The following SYNE2 variants were observed in gnomAD, a reference collection of about 807,000 sequenced individuals.
SYNE2 encodes the protein spectrin repeat containing nuclear envelope protein 2, also known as nesprin-2.
A neutral mutation model predicts 856.3 loss-of-function variants in SYNE2; 431 were observed. The observed-to-expected ratio is 0.50, with a 90% CI of 0.47 to 0.55. The LOEUF (loss-of-function observed/expected upper bound fraction) is 0.55. SYNE2 is among the 20% of genes least tolerant of loss of function. The pLI is 0.00. For synonymous variants in SYNE2, 2,923 were observed against 2,872.3 expected (o/e 1.02, Z -0.56); for missense variants, 8,129 against 8,023.2 (o/e 1.01, Z -0.50).
chr14:64,210,198 G>A (rs2098633028), intron 103 of SYNE2, 74 bp downstream of exon 103: 2 of 1,534,234 alleles, frequency 1.3e-6, no homozygotes, highest in Non-Finnish European at 1.8e-6. Flanking sequence ...TGGCAGGCTT[G>A]TGGCACAAAG....
At chr14:64,103,422 C>T (rs1465836509) in intron 64 of SYNE2, among the ~76,000 whole-genome samples, 28 of 151,196 alleles carry the variant, frequency 1.9e-4, no homozygotes, top group Non-Finnish European at 1.5e-5. Flanking sequence ...CTTTTTACTC[C>T]TTATGACATT....
intron 1 of SYNE2, among the ~76,000 whole-genome samples, chr14:63,846,880 A>G (rs1890242984): frequency 6.6e-6 from 1 of 152,024 alleles, no homozygotes; most frequent in Non-Finnish European, 1.5e-5. Flanking sequence ...TATAGGTGTG[A>G]ACCATGTACC....
intron 45 of SYNE2, among the ~76,000 whole-genome samples, chr14:64,035,617 A>G (rs567337298): frequency 1.3e-5 from 2 of 150,026 alleles, no homozygotes; most frequent in Non-Finnish European, 2.9e-5. Context: ...GAAATTGTCT[A>G]ACGTAACCCT....
chr14:64,055,636 G>A (rs2153580062), intron 48 of SYNE2, among the ~76,000 whole-genome samples: 1 of 151,958 alleles, frequency 6.6e-6, no homozygotes, highest in Non-Finnish European at 1.5e-5. Flanking sequence ...CAAAGTGCTG[G>A]GATTACAGTT....
chr14:64,025,197 G>A lies in SYNE2; in HGVS notation c.6028G>A (p.Glu2010Lys). 6.2e-7 allele frequency: 1 copy of A among 1,614,078 alleles called. No homozygotes were observed. ...LKEYGFTEEE[E>K]IIMEATCLMD... ...GGAATATGGGTTTACTGAAGAAGAAGAAATAATAATGGAAGCAACATGTTT... is the reference window on the plus strand; with the variant it reads ...GGAATATGGGTTTACTGAAGAAGAAAAAATAATAATGGAAGCAACATGTTT... Residue 2010 changes from glutamate (E) to lysine (K), a missense_variant, in exon 41 of 116, where the codon GAA (glutamate) becomes AAA (lysine). Physicochemically the swap from Glu to Lys is moderately conservative, Grantham distance 56 (BLOSUM62 1). Coordinates refer to ENST00000555002, the MANE Select transcript of SYNE2 (RefSeq NM_182914.3).
intron 1 of SYNE2, among the ~76,000 whole-genome samples, chr14:63,827,912 G>T (rs983931379): frequency 1.3e-5 from 2 of 151,774 alleles, no homozygotes; most frequent in Admixed American, 1.3e-4. Context: ...AATATTTGGG[G>T]CTGGGCACAG....
chr14:64,215,034 C>A (rs2098659414), intron 106 of SYNE2, among the ~76,000 whole-genome samples: 1 of 152,188 alleles, frequency 6.6e-6, no homozygotes, highest in Non-Finnish European at 1.5e-5. Context: ...GCCACTGTGC[C>A]TACCCTCCCT....
At chr14:63,779,951 G>A (rs964988364) in intron 1 of SYNE2, among the ~76,000 whole-genome samples, 1 of 152,082 alleles carries the variant, frequency 6.6e-6, no homozygotes, top group Non-Finnish European at 1.5e-5. Context: ...ATACAGATGG[G>A]AAATGAATAA....
chr14:63,941,727 C>G lies in SYNE2; in HGVS notation c.174C>G (p.Phe58Leu), dbSNP rs2095919304. 6.2e-7 allele frequency: 1 copy of G among 1,613,990 alleles called. No homozygotes were observed. Among genetic ancestry groups the G allele is most frequent in the African/African-American group, 1.3e-5 (1 of 74,932 alleles). The change falls in exon 4 of 116, where the codon TTC (phenylalanine) becomes TTG (leucine). Residue 58 changes from phenylalanine (F) to leucine (L), a missense_variant. By Grantham distance (22) the Phe-to-Leu change is conservative. Transcript: ENST00000555002. Reference sequence around the variant, plus strand: ...CTCCCTCAGTTATATCCGACCTATTCACAGACATTAAAAAGGGGCATGTCC... The same window carrying G: ...CTCCCTCAGTTATATCCGACCTATTGACAGACATTAAAAAGGGGCATGTCC... ...HTSPSVISDL[F>L]TDIKKGHVLL...
rs778811992 is a variant in SYNE2 at position 63,990,583 on chromosome 14, A to G, written c.2472+14A>G. The G allele has an allele frequency of 2.5e-6, 4 of 1,612,602 alleles. No homozygotes were observed. Among genetic ancestry groups the G allele is most frequent in the Non-Finnish European group, 3.4e-6 (4 of 1,178,738 alleles). On this transcript the variant is annotated intron_variant, in intron 20 of 115. Coordinates refer to ENST00000555002, the MANE Select transcript of SYNE2 (RefSeq NM_182914.3). ...GAGAAAGTCCAGGTCTCTCTTTAAT[A>G]TTCCCTATTTAGTAATTCTGTTCTC...
At chr14:63,940,821 C>G (rs1273813558) in intron 3 of SYNE2, 146 bp downstream of exon 3, 1 of 728,940 alleles carries the variant, frequency 1.4e-6, no homozygotes, top group African/African-American at 1.8e-5. Context: ...AAAGAATGTG[C>G]TAAAAGTTGT....
Position 64,053,355 on chromosome 14 carries a change from G to T in SYNE2, c.9442G>T (p.Glu3148Ter). 6.2e-7 allele frequency: 1 copy of T among 1,613,448 alleles called. No individual in the cohort carries two copies. Among genetic ancestry groups the T allele is most frequent in the Non-Finnish European group, 8.5e-7 (1 of 1,179,894 alleles). The part of the protein sequence containing the change: ...QNMVLELSPK[E>*]LDEKNCQDKL... ...CATGGTATTAGAACTCTCACCAAAA[G>T]AATTGGATGAAAAGAATTGTCAGGA... Residue 3148 changes from glutamate (E) to a stop codon, truncating the protein, a stop_gained, in exon 48 of 116, where the codon GAA becomes TAA. Coordinates refer to ENST00000555002, the MANE Select transcript of SYNE2 (RefSeq NM_182914.3). LOFTEE classifies it high-confidence loss of function.
intron 65 of SYNE2, among the ~76,000 whole-genome samples, chr14:64,110,980 A>T (rs80182653): frequency 0.023 from 3,426 of 152,232 alleles, 46 homozygotes; most frequent in African/African-American, 0.037. Flanking sequence ...AACTAGCAAA[A>T]AAAACCCAGA....
rs755939609 is a variant in SYNE2 at position 64,000,390 on chromosome 14, G to T, written c.3481-172G>T. 3.8e-4 allele frequency among the ~76,000 whole-genome samples: 58 copies of T among 152,122 alleles called. No homozygotes were observed. The highest frequency in any genetic ancestry group is 7.2e-4 in the Non-Finnish European group (49 of 68,020). ...CTCTGAGAGCACAGTTAATGTCCTT[G>T]TTCCCTAAAGGATAGTTCACTTGTA... is the stretch of plus-strand genomic sequence containing the variant. On this transcript the variant is annotated intron_variant, in intron 27 of 115. Coordinates refer to ENST00000555002, the MANE Select transcript of SYNE2 (RefSeq NM_182914.3).
intron 34 of SYNE2, among the ~76,000 whole-genome samples, chr14:64,018,814 CATGGCTGAGT>C (rs1474979389): frequency 1.3e-5 from 2 of 152,134 alleles, no homozygotes; most frequent in Non-Finnish European, 2.9e-5. Context: ...AGAAAAAATA[CATGGCTGAGT>C]ATCACCATCT....
At chr14:64,178,347 T>C (rs1410886648) in intron 96 of SYNE2, among the ~76,000 whole-genome samples, 2 of 152,256 alleles carry the variant, frequency 1.3e-5, no homozygotes, top group East Asian at 1.9e-4. Context: ...TCAAGTGTCC[T>C]GTATGATCTA....
At chr14:63,800,545 C>T (rs1418711497) in intron 1 of SYNE2, among the ~76,000 whole-genome samples, 1 of 152,176 alleles carries the variant, frequency 6.6e-6, no homozygotes, top group Admixed American at 6.5e-5. Context: ...CTGCCTTGGC[C>T]TCTGAAAGTG....
At chr14:63,802,970 CAA>C (rs1303980843) in intron 1 of SYNE2, among the ~76,000 whole-genome samples, 2 of 152,114 alleles carry the variant, frequency 1.3e-5, no homozygotes, top group African/African-American at 4.8e-5. Flanking sequence ...AGATTTATTG[CAA>C]AGAGCGAAAG....
intron 1 of SYNE2, among the ~76,000 whole-genome samples, chr14:63,865,724 C>CCA (rs1555352398): frequency 5.6e-4 from 53 of 95,404 alleles, no homozygotes; most frequent in Middle Eastern, 5.1e-3. Context: ...ACCCCCCCCC[C>CCA]AAAAAAAAAG....
Sources: gnomAD v4.1 joint callset for allele counts (sites outside exome capture counted in the v4.1 genomes callset) on GRCh38, gnomAD v4.1.1 for gene constraint, MANE v1.5 for transcripts, NCBI Gene and HGNC (gene_info 2026-07-23, HGNC 2026-07-21) for gene names.